TRHDE: variants seen among roughly 807,000 people sequenced by gnomAD.
TRHDE encodes thyrotropin releasing hormone degrading enzyme, also known as thyrotropin-releasing hormone-degrading ectoenzyme.
TRHDE carries 72 observed loss-of-function variants against 125.7 expected under a neutral mutation model. That is an observed-to-expected ratio of 0.57 (90% CI 0.47 to 0.70). The LOEUF is 0.70. Ranked by LOEUF, TRHDE falls within the 30% of genes least tolerant of loss-of-function variation. TRHDE has a pLI of 0.00. For synonymous variants in TRHDE, 509 were observed against 509.1 expected (o/e 1.00, Z 0.00); for missense variants, 1,110 against 1,327.1 (o/e 0.84, Z 2.54).
At chr12:72,295,211 G>T (rs1880246349) in intron 2 of TRHDE, among the ~76,000 whole-genome samples, 2 of 151,880 alleles carry the variant, frequency 1.3e-5, no homozygotes, top group South Asian at 4.2e-4. Flanking sequence ...GGGAGACCTG[G>T]GTCTTCAGCG....
chr12:72,124,404 A>G (rs1455218867), intron 2 of TRHDE, among the ~76,000 whole-genome samples: 2 of 152,146 alleles, frequency 1.3e-5, no homozygotes, highest in African/African-American at 4.8e-5. Context: ...AAGTCATCCA[A>G]TTTGTTAGAA....
intron 3 of TRHDE, among the ~76,000 whole-genome samples, chr12:72,393,962 A>G (rs1315031854): frequency 6.6e-6 from 1 of 152,178 alleles, no homozygotes; most frequent in Non-Finnish European, 1.5e-5. Context: ...CTGGGAGACA[A>G]TGAATGGATT....
intron 3 of TRHDE, among the ~76,000 whole-genome samples, chr12:72,461,735 T>C (rs939031864): frequency 6.6e-6 from 1 of 152,124 alleles, no homozygotes; most frequent in African/African-American, 2.4e-5. Context: ...TTTTAAATCA[T>C]AATATAAAAT....
At chr12:72,660,185 A>G (rs1430264621) in intron 18 of TRHDE, among the ~76,000 whole-genome samples, 1 of 152,192 alleles carries the variant, frequency 6.6e-6, no homozygotes, top group African/African-American at 2.4e-5. Flanking sequence ...CACTTATAAG[A>G]AAGATCAAAG....
chr12:72,286,566 A>G, intron 1 of TRHDE, 115 bp from the exon 2 acceptor site: 3 of 1,046,468 alleles, frequency 2.9e-6, no homozygotes, highest in Non-Finnish European at 4.1e-6. Flanking sequence ...TTTGGTTCAG[A>G]AAAAAATATT....
At chr12:72,419,953 C>G (rs1380378677) in intron 3 of TRHDE, among the ~76,000 whole-genome samples, 1 of 152,122 alleles carries the variant, frequency 6.6e-6, no homozygotes, top group Non-Finnish European at 1.5e-5. Flanking sequence ...GGAGAAATGT[C>G]TCATTTTCCA....
At chr12:72,329,668 AAAG>A (rs1445324726) in intron 2 of TRHDE, among the ~76,000 whole-genome samples, 12 of 152,328 alleles carry the variant, frequency 7.9e-5, no homozygotes, top group African/African-American at 2.6e-4. Context: ...TCTCCATATT[AAAG>A]AAGAATAGGT....
intron 12 of TRHDE, among the ~76,000 whole-genome samples, chr12:72,584,545 C>A (rs944801200): frequency 1.3e-5 from 2 of 152,080 alleles, no homozygotes; most frequent in African/African-American, 4.8e-5. Flanking sequence ...AATATCTTCC[C>A]AGATCTTTTT....
rs527606188 is a variant in TRHDE at position 72,644,455 on chromosome 12, C to T, written c.2676-7867C>T. On this transcript the variant is annotated intron_variant, in intron 15 of 18. Coordinates refer to ENST00000261180, the MANE Select transcript of TRHDE (RefSeq NM_013381.3). ...AGCAAGAGATGCCATATTTTTTTTT[C>T]CCCTTGGTCAGCACAGAGTGATGGG... Among the ~76,000 whole-genome samples, 4 of 151,860 alleles carry T rather than the reference C, an allele frequency of 2.6e-5. No individual in the cohort carries two copies. In the South Asian group the frequency reaches 8.3e-4, roughly 32 times the overall value.
chr12:72,396,683 G>T (rs777108076), intron 3 of TRHDE, among the ~76,000 whole-genome samples: 10 of 152,182 alleles, frequency 6.6e-5, no homozygotes, highest in Non-Finnish European at 1.3e-4. Context: ...GGCAGAGGTT[G>T]CAGTGAGCCG....
At position 72,286,940 on chromosome 12, in the gene TRHDE, A is replaced by G. The variant is rs1406785585; in HGVS notation, c.1174A>G (p.Lys392Glu). The G allele has an allele frequency of 4.3e-6, 7 of 1,612,200 alleles. No homozygotes were observed. The Admixed American group carries it at 1.0e-4, about 23-fold the overall frequency. Residue 392 changes from lysine (K) to glutamate (E), a missense_variant, in exon 2 of 19, where the codon AAG (lysine) becomes GAG (glutamate). Transcript: ENST00000261180. ...CTTCACATACAGAGAAACTACCACC[A>G]AGAGTGGGGTTGTAGTAAGTATTTT... The part of the protein sequence containing the change: ...CNFTYRETTT[K>E]SGVVVRLYAR...
intron 4 of TRHDE, among the ~76,000 whole-genome samples, chr12:72,471,006 A>T (rs1876621183): frequency 1.3e-5 from 2 of 149,424 alleles, no homozygotes; most frequent in South Asian, 4.2e-4. Flanking sequence ...CTTCCCAAGT[A>T]TCTGGGACTA....
At chr12:72,338,786 TACA>T (rs1368580228) in intron 2 of TRHDE, among the ~76,000 whole-genome samples, 1 of 152,194 alleles carries the variant, frequency 6.6e-6, no homozygotes, top group Non-Finnish European at 1.5e-5. Flanking sequence ...TTTGTGAACC[TACA>T]ACATGTCTTT....
At chr12:72,547,241 C>T (rs193030420) in intron 7 of TRHDE, among the ~76,000 whole-genome samples, 5 of 151,164 alleles carry the variant, frequency 3.3e-5, no homozygotes, top group Admixed American at 6.6e-5. Context: ...TATGATACTT[C>T]TCTAGCTAGA....
At chr12:72,454,468 G>C (rs1875740889) in intron 3 of TRHDE, among the ~76,000 whole-genome samples, 1 of 152,086 alleles carries the variant, frequency 6.6e-6, no homozygotes, top group African/African-American at 2.4e-5. Flanking sequence ...TGACATCTAT[G>C]GAACCATTAA....
intron 8 of TRHDE, 72 bp from the exon 9 acceptor site, chr12:72,562,781 A>C (rs1870240318): frequency 1.0e-6 from 1 of 991,646 alleles, no homozygotes; most frequent in African/African-American, 1.7e-5. Flanking sequence ...AATAGAAATA[A>C]AAATGTCTTA....
At chr12:72,646,005 C>G (rs1874264842) in intron 15 of TRHDE, among the ~76,000 whole-genome samples, 1 of 151,966 alleles carries the variant, frequency 6.6e-6, no homozygotes, top group Admixed American at 6.6e-5. Context: ...GGATGCTAAA[C>G]AGCAACAAAA....
At chr12:72,606,525 A>G (rs1017202348) in intron 12 of TRHDE, among the ~76,000 whole-genome samples, 3 of 152,188 alleles carry the variant, frequency 2.0e-5, no homozygotes, top group Non-Finnish European at 4.4e-5. Flanking sequence ...TGACGCTGGA[A>G]AGGAAATACT....
At chr12:72,315,909 A>G (rs1035025851) in intron 2 of TRHDE, among the ~76,000 whole-genome samples, 2 of 152,046 alleles carry the variant, frequency 1.3e-5, no homozygotes, top group African/African-American at 4.8e-5. Flanking sequence ...AGGATGCTCA[A>G]TGATTTTTTC....
Sources: allele counts gnomAD v4.1 joint callset (sites outside exome capture counted in the v4.1 genomes callset), GRCh38; gene constraint gnomAD v4.1.1; transcripts MANE v1.5; gene names NCBI Gene and HGNC (gene_info 2026-07-23, HGNC 2026-07-21).